The following MME variants were observed in gnomAD, a reference collection of about 807,000 sequenced individuals.
The protein encoded by MME is neprilysin.
A neutral mutation model predicts 113.2 loss-of-function variants in MME; 98 were observed. That is an observed-to-expected ratio of 0.87 (90% CI 0.74 to 1.02). The LOEUF is 1.02. Among genes scored for constraint, MME ranks in the 50% least tolerant of loss-of-function variants. The pLI is 0.00. For synonymous variants in MME, 292 were observed against 300.6 expected (o/e 0.97, Z 0.30); for missense variants, 836 against 896.0 (o/e 0.93, Z 0.86).
At position 155,116,958 on chromosome 3, in the gene MME, A is replaced by G; in HGVS notation, c.626A>G (p.Asp209Gly). Residue 209 changes from aspartate to glycine, a missense_variant, in exon 7 of 23, where the codon GAT becomes GGT. By Grantham distance (94) the Asp-to-Gly change is moderately conservative. Transcript: ENST00000360490. ...ATTAATTTGTTTGTTGGCACTGATG[A>G]TAAGAATTCTGTGAATCATGTAATT... ...VLINLFVGTDDKNSVNHVIHI... is the reference protein window; with the variant it reads ...VLINLFVGTDGKNSVNHVIHI... The G allele has an allele frequency of 1.9e-6, 3 of 1,595,806 alleles. No individual in the cohort carries two copies. Among genetic ancestry groups the G allele is most frequent in the Non-Finnish European group, 2.6e-6 (3 of 1,163,826 alleles).
At chr3:155,063,372 TA>T (rs1330800700) in intron 1 of MME, among the ~76,000 whole-genome samples, 1 of 105,568 alleles carries the variant, frequency 9.5e-6, no homozygotes, top group African/African-American at 4.3e-5. Context: ...TATATATATT[TA>T]TATATAAATA....
intron 1 of MME, among the ~76,000 whole-genome samples, chr3:155,043,734 ATAAT>A (rs1349862360): frequency 7.9e-5 from 12 of 152,090 alleles, no homozygotes; most frequent in Admixed American, 7.2e-4. Context: ...TTTCCTATAT[ATAAT>A]TATTTTATAG....
At chr3:155,068,226 G>A (rs1714449307) in intron 1 of MME, among the ~76,000 whole-genome samples, 1 of 152,150 alleles carries the variant, frequency 6.6e-6, no homozygotes, top group Admixed American at 6.5e-5. Flanking sequence ...ATGCAAACTA[G>A]TATACAAACG....
chr3:155,159,942 C>A (rs1403377294), intron 16 of MME, among the ~76,000 whole-genome samples: 3 of 151,996 alleles, frequency 2.0e-5, no homozygotes, highest in South Asian at 2.1e-4. Context: ...CAAAAAGGTT[C>A]TTTGTAAACC....
chr3:155,051,481 T>C (rs1713761496), intron 1 of MME, among the ~76,000 whole-genome samples: 1 of 152,154 alleles, frequency 6.6e-6, no homozygotes, highest in Non-Finnish European at 1.5e-5. Context: ...AAAGGAGGCC[T>C]CAAGAAACTT....
At chr3:155,118,431 T>C (rs769522584) in intron 7 of MME, among the ~76,000 whole-genome samples, 1 of 152,228 alleles carries the variant, frequency 6.6e-6, no homozygotes, top group Non-Finnish European at 1.5e-5. Flanking sequence ...CGTCCTAGAA[T>C]CTAACATGTT....
chr3:155,149,650 C>T (rs1432222277), intron 16 of MME, among the ~76,000 whole-genome samples: 1 of 151,906 alleles, frequency 6.6e-6, no homozygotes, highest in East Asian at 1.9e-4. Flanking sequence ...ACTGCACCAC[C>T]AAGAGGGAAA....
intron 9 of MME, among the ~76,000 whole-genome samples, chr3:155,138,912 A>G (rs1720846871): frequency 6.6e-6 from 1 of 152,088 alleles, no homozygotes; most frequent in African/African-American, 2.4e-5. Context: ...GATTAAACCC[A>G]TCGTCAGAGT....
chr3:155,151,296 G>A (rs1721913285), intron 16 of MME, among the ~76,000 whole-genome samples: 1 of 152,106 alleles, frequency 6.6e-6, no homozygotes, highest in Non-Finnish European at 1.5e-5. Context: ...AAAACTGAAG[G>A]GACAGAGTTG....
intron 15 of MME, among the ~76,000 whole-genome samples, chr3:155,147,795 C>T (rs1721633159): frequency 6.6e-6 from 1 of 152,164 alleles, no homozygotes; most frequent in Admixed American, 6.6e-5. Flanking sequence ...CTACATGATA[C>T]CCTGATGACA....
In MME at chr3:155,180,456, G is replaced by C; in HGVS notation, c.2250G>C (p.Trp750Cys). Reference sequence around the variant, plus strand: ...ATCCAGAAAAGAAGTGCCGGGTTTGGTGATCTTCAAAAGAAGCATTGCAGC... The same window carrying C: ...ATCCAGAAAAGAAGTGCCGGGTTTGCTGATCTTCAAAAGAAGCATTGCAGC... ...YMNPEKKCRV[W>C] Residue 750 changes from tryptophan (W) to cysteine (C), a missense_variant, in exon 23 of 23, where the codon TGG becomes TGC. By Grantham distance (215) the Trp-to-Cys change is radical (BLOSUM62 -2). Coordinates refer to ENST00000360490, the MANE Select transcript of MME (RefSeq NM_007289.4). 6.2e-7 allele frequency: 1 copy of C among 1,612,196 alleles called. No homozygotes were observed.
chr3:155,124,788 A>C (rs1211488112), intron 8 of MME, among the ~76,000 whole-genome samples: 1 of 152,002 alleles, frequency 6.6e-6, no homozygotes, highest in African/African-American at 2.4e-5. Flanking sequence ...TCAGATCTCC[A>C]GCTGTGTGCT....
At chr3:155,093,305 A>G (rs1377000774) in intron 3 of MME, among the ~76,000 whole-genome samples, 1 of 151,958 alleles carries the variant, frequency 6.6e-6, no homozygotes, top group East Asian at 1.9e-4. Context: ...TATTGACGAA[A>G]AGTCTCTGGA....
chr3:155,030,208 T>A (rs1332024960), intron 1 of MME, among the ~76,000 whole-genome samples: 1 of 152,174 alleles, frequency 6.6e-6, no homozygotes, highest in Non-Finnish European at 1.5e-5. Flanking sequence ...TTATATAAAC[T>A]TTAAGCCAAT....
At chr3:155,036,262 C>T (rs573032831) in intron 1 of MME, among the ~76,000 whole-genome samples, 24 of 152,304 alleles carry the variant, frequency 1.6e-4, no homozygotes, top group African/African-American at 5.5e-4. Context: ...TGTTTTAAAT[C>T]AACTTCGTTA....
In MME at chr3:155,181,126, A is replaced by G. The variant is rs1048592005; in HGVS notation, c.*667A>G. Reference sequence around the variant, plus strand: ...TGCTGAGATTCTTCAGGCTTCCTGCAATTTTCTAAGCAATTTCTTGCTCTA... The same window carrying G: ...TGCTGAGATTCTTCAGGCTTCCTGCGATTTTCTAAGCAATTTCTTGCTCTA... On this transcript the variant is annotated 3_prime_UTR_variant, in exon 23 of 23. Coordinates refer to ENST00000360490, the MANE Select transcript of MME (RefSeq NM_007289.4). 2.0e-5 allele frequency: 3 copies of G among 152,448 alleles called. No homozygotes were observed. The highest frequency in any genetic ancestry group is 6.5e-5 in the Admixed American group (1 of 15,290). 9.4% of individuals were successfully genotyped at this position (152,448 alleles called of 1,614,324 possible).
At chr3:155,153,059 C>T (rs181475028) in intron 16 of MME, among the ~76,000 whole-genome samples, 295 of 149,134 alleles carry the variant, frequency 2.0e-3, no homozygotes, top group African/African-American at 6.5e-3. Flanking sequence ...TTTTTTAAGA[C>T]GGAGTCTCAC....
chr3:155,124,483 AG>A (rs1719427591), intron 8 of MME, among the ~76,000 whole-genome samples: 1 of 152,100 alleles, frequency 6.6e-6, no homozygotes, highest in South Asian at 2.1e-4. Context: ...CCTTTGGAGG[AG>A]GAGAGACGCT....
intron 14 of MME, among the ~76,000 whole-genome samples, chr3:155,145,856 G>A (rs987784133): frequency 3.3e-5 from 5 of 152,048 alleles, no homozygotes; most frequent in Admixed American, 3.3e-4. Context: ...ATTAAGTGGG[G>A]GCTGGATTGT....
Sources: allele counts gnomAD v4.1 joint callset (sites outside exome capture counted in the v4.1 genomes callset), GRCh38; gene constraint gnomAD v4.1.1; transcripts MANE v1.5; gene names NCBI Gene and HGNC (gene_info 2026-07-23, HGNC 2026-07-21).